The following RGS20 variants were observed in gnomAD, a reference collection of about 807,000 sequenced individuals.
RGS20 encodes regulator of G protein signaling 20, also known as gz-selective GTPase-activating protein.
Under a neutral mutation model 33.6 loss-of-function variants are expected in RGS20, and 30 were observed. The observed-to-expected ratio is 0.89, with a 90% CI of 0.67 to 1.21. The LOEUF (loss-of-function observed/expected upper bound fraction) is 1.21, where lower values mean the gene tolerates loss of function less well. Ranked by LOEUF, RGS20 falls within the 50% of genes most tolerant of loss-of-function variation. The pLI, the probability that RGS20 is intolerant of heterozygous loss-of-function variation, is 0.00. For synonymous variants in RGS20, 208 were observed against 197.9 expected (o/e 1.05, Z -0.43); for missense variants, 472 against 502.4 (o/e 0.94, Z 0.58).
At chr8:53,903,753 C>T (rs1813093810) in intron 2 of RGS20, among the ~76,000 whole-genome samples, 2 of 152,312 alleles carry the variant, frequency 1.3e-5, no homozygotes, top group South Asian at 4.1e-4. Flanking sequence ...AGTCTCAGCA[C>T]TAGATGCTGC....
intron 2 of RGS20, chr8:53,879,681 ACTGACCCGCTCCG>A (rs1291191122): frequency 8.7e-7 from 1 of 1,144,710 alleles, no homozygotes; most frequent in Non-Finnish European, 1.2e-6. Context: ...CCTAACCCCA[ACTGACCCGCTCCG>A]CTGGGGCTAG....
intron 2 of RGS20, among the ~76,000 whole-genome samples, chr8:53,891,546 G>A (rs762595284): frequency 3.3e-5 from 5 of 152,178 alleles, no homozygotes; most frequent in South Asian, 2.1e-4. Flanking sequence ...GCTTGAACCC[G>A]GGAGGCAGAG....
intron 1 of RGS20, among the ~76,000 whole-genome samples, chr8:53,871,628 AAT>A (rs1422287348): frequency 0.018 from 2,101 of 117,364 alleles, 34 homozygotes; most frequent in African/African-American, 0.087. Context: ...AAAAAAAAAT[AAT>A]AATAATAATA....
intron 2 of RGS20, among the ~76,000 whole-genome samples, 180 bp downstream of exon 1, chr8:53,881,264 G>C (rs1217606333): frequency 2.0e-5 from 3 of 151,710 alleles, no homozygotes; most frequent in Non-Finnish European, 4.4e-5. Flanking sequence ...GCGAGTTTGG[G>C]GGAGTGGGGC....
chr8:53,919,592 C>CTTTTTTTTT (rs749181497), intron 2 of RGS20, among the ~76,000 whole-genome samples: 1 of 136,354 alleles, frequency 7.3e-6, no homozygotes, highest in Non-Finnish European at 1.6e-5. Context: ...AACATTTTTT[C>CTTTTTTTTT]TTTTTTTTTT....
chr8:53,922,778 A>C (rs1049892981), intron 2 of RGS20, among the ~76,000 whole-genome samples: 6 of 152,074 alleles, frequency 3.9e-5, no homozygotes, highest in African/African-American at 1.4e-4. Context: ...CTCCTGCCTC[A>C]GCCTCCCAAG....
chr8:53,921,339 C>T (rs988958048), intron 2 of RGS20, among the ~76,000 whole-genome samples: 22 of 152,044 alleles, frequency 1.4e-4, no homozygotes, highest in Non-Finnish European at 3.1e-4. Context: ...ACTCCCCTTC[C>T]ATTTTTTGGA....
intron 2 of RGS20, among the ~76,000 whole-genome samples, chr8:53,921,662 G>A (rs955846715): frequency 5.3e-5 from 8 of 151,256 alleles, no homozygotes; most frequent in Admixed American, 2.0e-4. Flanking sequence ...TTCCATTATC[G>A]TTCTTTTTAT....
At chr8:53,868,068 T>G (rs1394334672) in intron 1 of RGS20, among the ~76,000 whole-genome samples, 1 of 152,210 alleles carries the variant, frequency 6.6e-6, no homozygotes, top group Non-Finnish European at 1.5e-5. Context: ...ATCAATTTAC[T>G]AAGTAAAGTG....
chr8:53,947,898 T>C (rs1219940752), intron 4 of RGS20, among the ~76,000 whole-genome samples: 1 of 132,336 alleles, frequency 7.6e-6, no homozygotes, highest in African/African-American at 2.8e-5. Context: ...ATATATATGC[T>C]ATATATATGA....
chr8:53,856,722 A>C (rs1398751489), intron 1 of RGS20, among the ~76,000 whole-genome samples: 1 of 152,158 alleles, frequency 6.6e-6, no homozygotes, highest in African/African-American at 2.4e-5. Context: ...CTTAATTATA[A>C]ACATGGTCAG....
At chr8:53,918,983 C>T (rs1225508352) in intron 2 of RGS20, among the ~76,000 whole-genome samples, 2 of 152,164 alleles carry the variant, frequency 1.3e-5, no homozygotes, top group Non-Finnish European at 1.5e-5. Flanking sequence ...TTTTGAGGAC[C>T]TGTCAAACTG....
At chr8:53,907,369 G>A (rs1313244366) in intron 2 of RGS20, among the ~76,000 whole-genome samples, 1 of 152,052 alleles carries the variant, frequency 6.6e-6, no homozygotes, top group African/African-American at 2.4e-5. Flanking sequence ...GGCAGATCAC[G>A]AGATCAGGAG....
intron 1 of RGS20, among the ~76,000 whole-genome samples, chr8:53,852,961 A>G (rs1811599035): frequency 6.6e-6 from 1 of 152,206 alleles, no homozygotes; most frequent in South Asian, 2.1e-4. Flanking sequence ...GGGTCAACAC[A>G]AAGCTTTTTC....
chr8:53,954,585 A>T (rs1222253295), intron 5 of RGS20, among the ~76,000 whole-genome samples: 1 of 151,368 alleles, frequency 6.6e-6, no homozygotes, highest in Non-Finnish European at 1.5e-5. Flanking sequence ...AATCGCTTGA[A>T]CCTAGGAGGC....
At chr8:53,889,894 C>T (rs555732789) in intron 2 of RGS20, among the ~76,000 whole-genome samples, 1 of 152,226 alleles carries the variant, frequency 6.6e-6, no homozygotes, top group Admixed American at 6.5e-5. Context: ...AAGTTTTTCT[C>T]TCATTTTTGA....
intron 2 of RGS20, among the ~76,000 whole-genome samples, chr8:53,892,020 C>T (rs980177712): frequency 4.0e-5 from 6 of 150,760 alleles, no homozygotes; most frequent in African/African-American, 9.8e-5. Flanking sequence ...AGGTATATCT[C>T]CTAATGCTAT....
chr8:53,905,312 TTAG>T (rs1813134292), intron 2 of RGS20, among the ~76,000 whole-genome samples: 1 of 152,244 alleles, frequency 6.6e-6, no homozygotes, highest in East Asian at 1.9e-4. Flanking sequence ...GAAGCAAAGT[TTAG>T]AATTTCCACA....
At chr8:53,869,871 G>A (rs145730773) in intron 1 of RGS20, among the ~76,000 whole-genome samples, 5 of 152,108 alleles carry the variant, frequency 3.3e-5, no homozygotes, top group Admixed American at 6.6e-5. Flanking sequence ...AGAAAGGAGC[G>A]TGGCTTGGGG....
Sources: gnomAD v4.1 joint callset for allele counts (sites outside exome capture counted in the v4.1 genomes callset) on GRCh38, gnomAD v4.1.1 for gene constraint, MANE v1.5 for transcripts, NCBI Gene and HGNC (gene_info 2026-07-23, HGNC 2026-07-21) for gene names.